Variants in ARHGAP17 observed in about 807,000 individuals in gnomAD.
ARHGAP17 encodes the protein Rho GTPase activating protein 17.
ARHGAP17 carries 57 observed loss-of-function variants against 99.5 expected under a neutral mutation model. That is an observed-to-expected ratio of 0.57 (90% CI 0.46 to 0.71). The LOEUF (loss-of-function observed/expected upper bound fraction) is 0.71. Ranked by LOEUF, ARHGAP17 falls within the 30% of genes least tolerant of loss-of-function variation. The pLI is 0.00. For missense variants in ARHGAP17, 1,000 were observed against 1,122.4 expected (o/e 0.89, Z 1.56); for synonymous variants, 417 against 429.6 (o/e 0.97, Z 0.36).
chr16:24,968,511 T>C lies in ARHGAP17; in HGVS notation c.385-84A>G, dbSNP rs2052259095. On this transcript the variant is annotated intron_variant, in intron 5 of 19. Coordinates refer to ENST00000289968, the MANE Select transcript of ARHGAP17 (RefSeq NM_001006634.3). ...AAAGTATTTACAAACGTTTTTTCTC[T>C]AAGGCAAAGGATTTTGTACCTTCAA... The C allele has an allele frequency of 2.6e-6, 4 of 1,563,004 alleles. No individual in the cohort carries two copies. In the East Asian group the frequency reaches 9.0e-5, roughly 35 times the overall value.
At chr16:25,002,539 C>T (rs2053390759) in intron 1 of ARHGAP17, among the ~76,000 whole-genome samples, 1 of 152,180 alleles carries the variant, frequency 6.6e-6, no homozygotes, top group Admixed American at 6.5e-5. Context: ...GCCCTCAAAC[C>T]ATCATTCCCC....
chr16:24,935,219 G>C (rs115060879), intron 18 of ARHGAP17, among the ~76,000 whole-genome samples: 1 of 152,216 alleles, frequency 6.6e-6, no homozygotes, highest in Non-Finnish European at 1.5e-5. Context: ...AAAACTGGGA[G>C]CATTTCTGCA....
At chr16:24,951,052 T>C (rs545386879) in intron 12 of ARHGAP17, among the ~76,000 whole-genome samples, 1 of 151,186 alleles carries the variant, frequency 6.6e-6, no homozygotes, top group Non-Finnish European at 1.5e-5. Flanking sequence ...TGGTGAGGAG[T>C]AGGCACTCTG....
At chr16:24,968,825 G>GATCCACAC in intron 4 of ARHGAP17, 53 bp from the exon 5 acceptor site, 3 of 1,560,964 alleles carry the variant, frequency 1.9e-6, no homozygotes, top group Non-Finnish European at 2.6e-6. Context: ...ATCAGGCACT[G>GATCCACAC]GATTATCGTG....
In ARHGAP17 at chr16:24,939,455, G is replaced by A. The variant is rs757927930; in HGVS notation, c.1633C>T (p.Gln545Ter). 1 of 1,611,514 alleles carries A rather than the reference G, an allele frequency of 6.2e-7. No individual in the cohort carries two copies. The highest frequency in any genetic ancestry group is 1.3e-5 in the African/African-American group (1 of 74,926). Residue 545 changes from glutamine to a stop codon, truncating the protein, a stop_gained, in exon 17 of 20, where the codon CAG (glutamine) becomes TAG (stop). Transcript: ENST00000289968. LOFTEE classifies it high-confidence loss of function. ...GAGCTGCTTTCAGCCCTAGAGCTCT[G>A]GGGAGGGGGCTCTGGGCCAGCGGGC... ...VVPAGPEPPP[Q>*]SSRAESSSGG... is the part of the protein sequence containing the mutation.
intron 1 of ARHGAP17, among the ~76,000 whole-genome samples, chr16:25,000,779 T>G (rs1267714671): frequency 6.6e-6 from 1 of 152,216 alleles, no homozygotes; most frequent in African/African-American, 2.4e-5. Flanking sequence ...AATTTGTTCC[T>G]AAATCTAAAG....
At chr16:24,924,826 G>A (rs952449689) in intron 19 of ARHGAP17, among the ~76,000 whole-genome samples, 1 of 151,690 alleles carries the variant, frequency 6.6e-6, no homozygotes, top group Non-Finnish European at 1.5e-5. Flanking sequence ...TCGCACCACT[G>A]CATTCCATTC....
intron 16 of ARHGAP17, 99 bp from the exon 17 acceptor site, chr16:24,939,696 C>T (rs1417424258): frequency 1.6e-6 from 2 of 1,277,846 alleles, no homozygotes; most frequent in African/African-American, 3.0e-5. Flanking sequence ...TGGGGATAGC[C>T]ACCCAAGCTG....
At chr16:24,962,410 G>A (rs2052038379) in intron 7 of ARHGAP17, among the ~76,000 whole-genome samples, 1 of 152,188 alleles carries the variant, frequency 6.6e-6, no homozygotes, top group Non-Finnish European at 1.5e-5. Context: ...GAAATCATGG[G>A]GAAGTATGTC....
chr16:25,000,274 T>G (rs2053324276), intron 1 of ARHGAP17, among the ~76,000 whole-genome samples: 1 of 152,280 alleles, frequency 6.6e-6, no homozygotes, highest in South Asian at 2.1e-4. Flanking sequence ...CAGAACACAT[T>G]TCTGCTTTGT....
At chr16:24,939,758 A>G (rs1169989197) in intron 16 of ARHGAP17, 161 bp from the exon 17 acceptor site, 1 of 703,484 alleles carries the variant, frequency 1.4e-6, no homozygotes, top group South Asian at 1.7e-5. Flanking sequence ...CCCCTGAGCA[A>G]CTCCACTCGG....
chr16:24,946,127 C>T (rs1442100627), intron 14 of ARHGAP17, among the ~76,000 whole-genome samples: 1 of 152,170 alleles, frequency 6.6e-6, no homozygotes, highest in East Asian at 1.9e-4. Context: ...GACCCCTCCT[C>T]TATTCAATCT....
At chr16:24,977,356 T>A (rs1352488867) in intron 2 of ARHGAP17, 37 bp from the exon 3 acceptor site, 1 of 1,523,158 alleles carries the variant, frequency 6.6e-7, no homozygotes, top group Non-Finnish European at 9.0e-7. Flanking sequence ...AAATTCATCC[T>A]CTTTCTTTTG....
At chr16:24,983,370 C>G (rs1268544218) in intron 1 of ARHGAP17, among the ~76,000 whole-genome samples, 2 of 151,802 alleles carry the variant, frequency 1.3e-5, no homozygotes, top group Non-Finnish European at 2.9e-5. Context: ...GGCCTGATCA[C>G]AGCTCACAGC....
intron 11 of ARHGAP17, 54 bp from the exon 12 acceptor site, chr16:24,952,424 T>C: frequency 7.2e-7 from 1 of 1,390,692 alleles, no homozygotes; most frequent in Non-Finnish European, 1.0e-6. Flanking sequence ...GCTAGGAATC[T>C]TGGGACATAT....
chr16:24,936,367 C>A (rs1366766102), intron 17 of ARHGAP17: 2 of 154,440 alleles, frequency 1.3e-5, no homozygotes, highest in Middle Eastern at 3.4e-3. Context: ...GAGTGAATAA[C>A]ATTAGTGTAA....
chr16:24,983,642 T>C (rs2052769002), intron 1 of ARHGAP17, among the ~76,000 whole-genome samples: 1 of 152,194 alleles, frequency 6.6e-6, no homozygotes, highest in African/African-American at 2.4e-5. Flanking sequence ...CCTAAACTTT[T>C]TGTATATGGG....
intron 6 of ARHGAP17, among the ~76,000 whole-genome samples, chr16:24,966,397 C>T (rs1038864949): frequency 6.6e-6 from 1 of 152,034 alleles, no homozygotes; most frequent in African/African-American, 2.4e-5. Context: ...CTTTGGGAGG[C>T]TAAGGCAGGG....
At chr16:25,003,080 T>C (rs1029616932) in intron 1 of ARHGAP17, among the ~76,000 whole-genome samples, 3 of 145,420 alleles carry the variant, frequency 2.1e-5, no homozygotes, top group Non-Finnish European at 3.0e-5. Context: ...ACAGGAGATA[T>C]ACAAGTAAAA....
Sources: allele counts gnomAD v4.1 joint callset (sites outside exome capture counted in the v4.1 genomes callset), GRCh38; gene constraint gnomAD v4.1.1; transcripts MANE v1.5; gene names NCBI Gene and HGNC (gene_info 2026-07-23, HGNC 2026-07-21).